Variants in ARB2A observed in about 807,000 individuals in gnomAD.
ARB2A encodes ARB2 cotranscriptional regulator A.
the ARB2A span, among the ~76,000 whole-genome samples, chr5:94,016,685 T>C: frequency 6.6e-6 from 1 of 152,200 alleles, no homozygotes; most frequent in Non-Finnish European, 1.5e-5. Flanking sequence ...GGAGCTCTTT[T>C]TATATGCCCT....
the ARB2A span, among the ~76,000 whole-genome samples, chr5:93,984,162 G>C: frequency 6.6e-6 from 1 of 151,942 alleles, no homozygotes; most frequent in Non-Finnish European, 1.5e-5. Flanking sequence ...AGTAAAGGGG[G>C]ATAATGTTTT....
chr5:93,778,555 C>T, the ARB2A span, among the ~76,000 whole-genome samples: 1 of 152,018 alleles, frequency 6.6e-6, no homozygotes, highest in African/African-American at 2.4e-5. Flanking sequence ...CTTTCTCTCT[C>T]TTTTTTTTAA....
chr5:93,668,811 C>T, the ARB2A span, among the ~76,000 whole-genome samples: 1 of 152,076 alleles, frequency 6.6e-6, no homozygotes, highest in Non-Finnish European at 1.5e-5. Context: ...TCATCCAGTT[C>T]CCTCCTTATT....
chr5:93,702,434 A>C, the ARB2A span, among the ~76,000 whole-genome samples: 1 of 152,102 alleles, frequency 6.6e-6, no homozygotes, highest in African/African-American at 2.4e-5. Context: ...TCACTATCTA[A>C]AACATAAACT....
chr5:93,881,505 G>C, the ARB2A span: 1 of 1,610,508 alleles, frequency 6.2e-7, no homozygotes. Flanking sequence ...TTTTCTCTTT[G>C]GGGGTTACGA....
the ARB2A span, among the ~76,000 whole-genome samples, chr5:93,753,834 C>T: frequency 1.3e-5 from 2 of 152,108 alleles, no homozygotes; most frequent in Non-Finnish European, 2.9e-5. Flanking sequence ...GGCGTTTAGA[C>T]AACATAATTT....
chr5:93,800,697 A>T, the ARB2A span, among the ~76,000 whole-genome samples: 1 of 152,150 alleles, frequency 6.6e-6, no homozygotes, highest in Non-Finnish European at 1.5e-5. Context: ...TAGAATGGAC[A>T]CTAAAATTCT....
At chr5:93,760,504 G>C in the ARB2A span, among the ~76,000 whole-genome samples, 821 of 152,244 alleles carry the variant, frequency 5.4e-3, 12 homozygotes, top group African/African-American at 0.018. Context: ...TCAAACTATA[G>C]TATAAGGTTA....
At chr5:93,853,032 A>G in the ARB2A span, among the ~76,000 whole-genome samples, 1 of 152,182 alleles carries the variant, frequency 6.6e-6, no homozygotes, top group Non-Finnish European at 1.5e-5. Context: ...CATTGGATCT[A>G]TAAATTACCT....
the ARB2A span, among the ~76,000 whole-genome samples, chr5:93,946,986 T>C: frequency 6.6e-6 from 1 of 152,212 alleles, no homozygotes; most frequent in Non-Finnish European, 1.5e-5. Flanking sequence ...TTTCCATGAC[T>C]TTTTAATGTC....
At chr5:94,037,889 G>A in the ARB2A span, among the ~76,000 whole-genome samples, 18 of 151,998 alleles carry the variant, frequency 1.2e-4, no homozygotes, top group Non-Finnish European at 2.5e-4. Flanking sequence ...ATATTTTTCA[G>A]TAATTTTCCA....
the ARB2A span, among the ~76,000 whole-genome samples, chr5:93,714,476 C>T: frequency 6.6e-6 from 1 of 152,162 alleles, no homozygotes; most frequent in Non-Finnish European, 1.5e-5. Context: ...TTTAAGCTCA[C>T]TGTAAGCGCA....
At chr5:93,951,655 G>A in the ARB2A span, among the ~76,000 whole-genome samples, 1 of 151,948 alleles carries the variant, frequency 6.6e-6, no homozygotes, top group Non-Finnish European at 1.5e-5. Flanking sequence ...TTATTTCTGG[G>A]TTCTCTATTC....
At chr5:93,896,342 A>T in the ARB2A span, among the ~76,000 whole-genome samples, 1 of 152,106 alleles carries the variant, frequency 6.6e-6, no homozygotes, top group East Asian at 1.9e-4. Context: ...ACAATTCCCC[A>T]AGTGCAGATT....
chr5:94,106,973 G>A, the ARB2A span, among the ~76,000 whole-genome samples: 3 of 151,774 alleles, frequency 2.0e-5, no homozygotes, highest in Admixed American at 1.3e-4. Flanking sequence ...TACACAATGG[G>A]GTCTACTTCA....
chr5:93,627,256 T>A, the ARB2A span, among the ~76,000 whole-genome samples: 4 of 152,140 alleles, frequency 2.6e-5, no homozygotes, highest in African/African-American at 9.7e-5. Context: ...CATCCATGAG[T>A]GCTGGAATCA....
At chr5:93,745,697 T>C in the ARB2A span, among the ~76,000 whole-genome samples, 1 of 151,978 alleles carries the variant, frequency 6.6e-6, no homozygotes, top group Non-Finnish European at 1.5e-5. Context: ...TCTTTTTGAC[T>C]GCAATAAAGC....
chr5:93,663,418 G>T, the ARB2A span, among the ~76,000 whole-genome samples: 1 of 152,076 alleles, frequency 6.6e-6, no homozygotes, highest in African/African-American at 2.4e-5. Flanking sequence ...TTTCCATTTG[G>T]GCTAAACTTG....
At chr5:93,908,737 T>C in the ARB2A span, among the ~76,000 whole-genome samples, 1 of 151,024 alleles carries the variant, frequency 6.6e-6, no homozygotes, top group Non-Finnish European at 1.5e-5. Context: ...GAGGGTATGT[T>C]ACCTAATAAA....
Sources: allele counts gnomAD v4.1 joint callset (sites outside exome capture counted in the v4.1 genomes callset), GRCh38; gene constraint gnomAD v4.1.1; transcripts MANE v1.5; gene names NCBI Gene and HGNC (gene_info 2026-07-23, HGNC 2026-07-21).